SPATA13: variants seen among roughly 807,000 people sequenced by gnomAD.
SPATA13 encodes the protein spermatogenesis-associated protein 13.
A neutral mutation model predicts 104.0 loss-of-function variants in SPATA13; 50 were observed. The observed-to-expected ratio is 0.48, with a 90% CI of 0.38 to 0.61. SPATA13 has a LOEUF of 0.61. SPATA13 is among the 20% of genes least tolerant of loss of function. The pLI is 0.00. For missense variants in SPATA13, 1,524 were observed against 1,690.6 expected, an observed-to-expected ratio of 0.90 and a Z score of 1.73; for synonymous variants, 606 against 667.5, an observed-to-expected ratio of 0.91 and a Z score of 1.42.
At chr13:24,104,444 C>T (rs1880369525) in intron 3 of SPATA13, among the ~76,000 whole-genome samples, 1 of 152,154 alleles carries the variant, frequency 6.6e-6, no homozygotes, top group South Asian at 2.1e-4. Flanking sequence ...AAACACTTTC[C>T]CTTAACCATT....
At chr13:24,198,854 G>C (rs1870238938) in intron 1 of SPATA13, among the ~76,000 whole-genome samples, 1 of 152,050 alleles carries the variant, frequency 6.6e-6, no homozygotes, top group Non-Finnish European at 1.5e-5. Flanking sequence ...TTTCAGACTG[G>C]TACCTCTTCC....
At chr13:24,116,983 A>G (rs1880868153) in intron 3 of SPATA13, among the ~76,000 whole-genome samples, 1 of 152,172 alleles carries the variant, frequency 6.6e-6, no homozygotes, top group Admixed American at 6.5e-5. Flanking sequence ...CAGGAACTTA[A>G]TCAGAGGGCA....
At chr13:23,980,079 G>A (rs967320835) in intron 1 of SPATA13, among the ~76,000 whole-genome samples, 2 of 152,144 alleles carry the variant, frequency 1.3e-5, no homozygotes, top group African/African-American at 4.8e-5. Context: ...TAGGAGAAGG[G>A]ATAGAGCTAT....
At chr13:24,137,332 C>CT (rs1881607153) in intron 3 of SPATA13, among the ~76,000 whole-genome samples, 1 of 152,176 alleles carries the variant, frequency 6.6e-6, no homozygotes, top group South Asian at 2.1e-4. Context: ...TTTGCTGTCT[C>CT]TAAGAATTTA....
At chr13:23,982,950 A>G (rs911120833) in intron 1 of SPATA13, among the ~76,000 whole-genome samples, 2 of 152,190 alleles carry the variant, frequency 1.3e-5, no homozygotes, top group African/African-American at 2.4e-5. Flanking sequence ...CCGTCTGGGA[A>G]GAAGGTGAGA....
At chr13:24,210,026 G>A (rs1358692894) in intron 1 of SPATA13, among the ~76,000 whole-genome samples, 1 of 152,064 alleles carries the variant, frequency 6.6e-6, no homozygotes, top group Non-Finnish European at 1.5e-5. Context: ...TTGATGTTGA[G>A]CACCTTTTTC....
chr13:23,990,469 G>A (rs1326416751), intron 2 of SPATA13, among the ~76,000 whole-genome samples: 1 of 152,074 alleles, frequency 6.6e-6, no homozygotes, highest in East Asian at 1.9e-4. Context: ...GTGCTCCCTT[G>A]TTTCAGCACC....
intron 3 of SPATA13, among the ~76,000 whole-genome samples, chr13:24,038,692 A>G (rs1184683954): frequency 2.0e-5 from 3 of 152,166 alleles, no homozygotes; most frequent in African/African-American, 4.8e-5. Flanking sequence ...GGCCCCTCGC[A>G]TCCAAACAAC....
intron 3 of SPATA13, among the ~76,000 whole-genome samples, chr13:24,121,904 C>G (rs1048549240): frequency 3.3e-5 from 5 of 152,106 alleles, no homozygotes; most frequent in African/African-American, 1.2e-4. Context: ...TTTTCCAGTG[C>G]CAGGTTGCAT....
chr13:24,051,991 C>G lies in SPATA13; in HGVS notation c.-112+34290C>G, dbSNP rs1288885647. Among the ~76,000 whole-genome samples, 1 of 152,166 alleles carries G rather than the reference C, an allele frequency of 6.6e-6. No individual in the cohort carries two copies. Among genetic ancestry groups the G allele is most frequent in the African/African-American group, 2.4e-5 (1 of 41,432 alleles). ...CTCCCACCTCATCTGTGCACCTTGC[C>G]AGTCCTTTGGCTTCCTCTGCGTGCA... is the stretch of plus-strand genomic sequence containing the variant. On this transcript the variant is annotated intron_variant, in intron 3 of 14. Coordinates refer to the SPATA13 transcript ENST00000424834. The surrounding 1 kb of genome is among the most constrained non-coding windows in gnomAD (Gnocchi z 4.2).
rs1876662207 is a variant in SPATA13, at chr13:24,294,936, T to G, written c.3210+68T>G. The G allele has an allele frequency of 2.7e-6, 4 of 1,496,228 alleles. No individual in the cohort carries two copies. The African/African-American group carries it at 4.1e-5, about 15-fold the overall frequency. 92.7% of individuals were successfully genotyped at this position (1,496,228 alleles called of 1,614,324 possible). On this transcript the variant is annotated intron_variant, in intron 10 of 12. Coordinates refer to ENST00000382108, the MANE Select transcript of SPATA13 (RefSeq NM_001166271.3). ...TCCCGCACCTTTGATCTGGTGCAGA[T>G]GCACTTTAATATCCTGTGGTCAATA... is the stretch of plus-strand genomic sequence containing the variant.
chr13:24,274,273 G>T (rs1874820746), intron 4 of SPATA13, among the ~76,000 whole-genome samples: 1 of 152,200 alleles, frequency 6.6e-6, no homozygotes, highest in Non-Finnish European at 1.5e-5. Context: ...TTAACCTGAA[G>T]GTCCAGTGGT....
At chr13:24,265,326 C>T (rs1416008031) in intron 4 of SPATA13, among the ~76,000 whole-genome samples, 2 of 152,186 alleles carry the variant, frequency 1.3e-5, no homozygotes, top group Non-Finnish European at 2.9e-5. Context: ...ACGTTCAATG[C>T]CTTTCAGGTT....
At chr13:24,116,456 G>T (rs112221936) in intron 3 of SPATA13, among the ~76,000 whole-genome samples, 3,325 of 152,282 alleles carry the variant, frequency 0.022, 50 homozygotes, top group Middle Eastern at 0.037. Flanking sequence ...GGTGGGGATC[G>T]TGGGGGCATC....
chr13:24,072,112 A>G (rs1879183023), intron 3 of SPATA13, among the ~76,000 whole-genome samples: 1 of 152,254 alleles, frequency 6.6e-6, no homozygotes, highest in South Asian at 2.1e-4. Flanking sequence ...AAAATTGAAC[A>G]CACAAGTACA....
At chr13:24,064,763 G>A (rs995348471) in intron 3 of SPATA13, among the ~76,000 whole-genome samples, 3 of 152,152 alleles carry the variant, frequency 2.0e-5, no homozygotes, top group East Asian at 1.9e-4. Flanking sequence ...CTTAATCAGC[G>A]ATGAAGGTCA....
chr13:23,984,827 C>T (rs1353236401), intron 2 of SPATA13, among the ~76,000 whole-genome samples: 1 of 152,242 alleles, frequency 6.6e-6, no homozygotes, highest in African/African-American at 2.4e-5. Context: ...TTAATTAGAA[C>T]AGGGATTGGT....
In SPATA13 at chr13:24,223,701, C is replaced by T; in HGVS notation, c.772C>T (p.Leu258Phe). 1 of 1,552,212 alleles carries T rather than the reference C, an allele frequency of 6.4e-7. No homozygotes were observed. Residue 258 changes from leucine (L) to phenylalanine (F), a missense_variant, in exon 2 of 13, where the codon CTT (leucine) becomes TTT (phenylalanine). Physicochemically the swap from Leu to Phe is conservative, Grantham distance 22 (BLOSUM62 0). Coordinates refer to ENST00000382108, the MANE Select transcript of SPATA13 (RefSeq NM_001166271.3). ...CAGGAGGAGCAAGAGCACGGACAATCTTGCCTTTCTGAAGAAGAGCTCCTT... is the reference window on the plus strand; with the variant it reads ...CAGGAGGAGCAAGAGCACGGACAATTTTGCCTTTCTGAAGAAGAGCTCCTT... ...GYRRSKSTDNLAFLKKSSFKR... is the reference protein window; with the variant it reads ...GYRRSKSTDNFAFLKKSSFKR...
intron 1 of SPATA13, among the ~76,000 whole-genome samples, chr13:24,178,270 C>T (rs777800581): frequency 1.3e-5 from 2 of 152,192 alleles, no homozygotes; most frequent in Non-Finnish European, 2.9e-5. Context: ...CTGCTTGCCA[C>T]CTCTGCCACC....
Sources: gnomAD v4.1 joint callset for allele counts (sites outside exome capture counted in the v4.1 genomes callset) on GRCh38, gnomAD v4.1.1 for gene constraint, Gnocchi (gnomAD v3.1) non-coding constraint, MANE v1.5 for transcripts, NCBI Gene and HGNC (gene_info 2026-07-23, HGNC 2026-07-21) for gene names.